The following MGAT4D variants were observed in gnomAD, a reference collection of about 807,000 sequenced individuals.
The protein encoded by MGAT4D is MGAT4 family member D, also known as alpha-1,3-mannosyl-glycoprotein 4-beta-N-acetylglucosaminyltransferase-like protein MGAT4D.
MGAT4D carries 34 observed loss-of-function variants against 15.9 expected under a neutral mutation model. The observed-to-expected ratio is 2.14, with a 90% CI of 1.62 to 2.84. MGAT4D has a LOEUF of 2.84. Among genes scored for constraint, MGAT4D ranks in the 30% most tolerant of loss-of-function variants. MGAT4D has a pLI of 0.00. For missense variants in MGAT4D, 327 were observed against 140.2 expected (o/e 2.33, Z -6.73); for synonymous variants, 112 against 48.2 (o/e 2.33, Z -5.49).
intron 5 of MGAT4D, among the ~76,000 whole-genome samples, chr4:140,468,506 T>C (rs1310638947): frequency 6.6e-6 from 1 of 152,228 alleles, no homozygotes; most frequent in South Asian, 2.1e-4. Context: ...TAATTGATTC[T>C]GTCAGGAGTC....
chr4:140,451,450 C>A lies in MGAT4D; in HGVS notation c.1076G>T (p.Gly359Val). The A allele has an allele frequency of 3.2e-6, 2 of 632,856 alleles. No homozygotes were observed. Among genetic ancestry groups the A allele is most frequent in the South Asian group, 1.9e-5 (1 of 53,764 alleles). The allele number at this position is 632,856 out of a possible 1,614,324, so 39.2% of individuals were successfully genotyped here. ...QYKPSLFQHV[G>V]IHSSFPRKEQ... ...TTTTCTAGGGAATGATGAATGTATA[C>A]CCACATGCTGGAAAAGAGAAGGTTT... The change falls in exon 10 of 11, where the codon GGT becomes GTT. Residue 359 changes from glycine (G) to valine (V), a missense_variant. Coordinates refer to ENST00000511113, the MANE Select transcript of MGAT4D (RefSeq NM_001277353.2).
chr4:140,486,595 G>C (rs921468259), intron 1 of MGAT4D, among the ~76,000 whole-genome samples: 4 of 151,912 alleles, frequency 2.6e-5, no homozygotes, highest in African/African-American at 9.7e-5. Context: ...ATTATGTATT[G>C]ACTGCTTTCA....
chr4:140,464,802 A>C, intron 6 of MGAT4D, 94 bp downstream of exon 6: 1 of 658,176 alleles, frequency 1.5e-6, no homozygotes, highest in East Asian at 2.7e-5. Flanking sequence ...CCAGAACACC[A>C]CTGTGTCTGA....
chr4:140,487,540 T>C (rs920213363), intron 1 of MGAT4D, among the ~76,000 whole-genome samples: 5 of 152,330 alleles, frequency 3.3e-5, no homozygotes, highest in Admixed American at 2.6e-4. Flanking sequence ...TTAAACAATA[T>C]ATTTTATTTA....
intron 6 of MGAT4D, among the ~76,000 whole-genome samples, chr4:140,463,145 G>A (rs949105248): frequency 6.6e-6 from 1 of 152,138 alleles, no homozygotes; most frequent in Admixed American, 6.5e-5. Flanking sequence ...AAATATAAAA[G>A]TAGACGAAGC....
intron 1 of MGAT4D, among the ~76,000 whole-genome samples, chr4:140,497,387 AAG>A (rs1416955734): frequency 6.6e-6 from 1 of 152,256 alleles, no homozygotes; most frequent in Non-Finnish European, 1.5e-5. Flanking sequence ...TAAAATAAAA[AAG>A]ACGTAAATAT....
chr4:140,455,640 G>C (rs1730747308), intron 9 of MGAT4D, among the ~76,000 whole-genome samples: 1 of 152,122 alleles, frequency 6.6e-6, no homozygotes. Flanking sequence ...CAGTTCTGTT[G>C]ATCACTGAGA....
chr4:140,493,167 C>T (rs938770779), intron 1 of MGAT4D, among the ~76,000 whole-genome samples: 5 of 152,086 alleles, frequency 3.3e-5, no homozygotes, highest in Admixed American at 1.3e-4. Flanking sequence ...TAGCTCATCA[C>T]TCAAGCTAAT....
intron 1 of MGAT4D, among the ~76,000 whole-genome samples, chr4:140,493,503 G>T (rs1709398477): frequency 6.6e-6 from 1 of 151,874 alleles, no homozygotes; most frequent in South Asian, 2.1e-4. Context: ...CACTGTGTTA[G>T]CCAGGATGGT....
chr4:140,491,348 C>T (rs911993783), intron 1 of MGAT4D, among the ~76,000 whole-genome samples: 3 of 152,060 alleles, frequency 2.0e-5, no homozygotes, highest in Non-Finnish European at 4.4e-5. Context: ...AGAGAGATCC[C>T]CAAGAAATAA....
intron 8 of MGAT4D, 156 bp downstream of exon 8, chr4:140,459,356 A>G: frequency 3.1e-6 from 1 of 322,518 alleles, no homozygotes; most frequent in Admixed American, 5.0e-5. Flanking sequence ...GAATTTAGGT[A>G]CTTGCATCTG....
intron 10 of MGAT4D, among the ~76,000 whole-genome samples, chr4:140,449,149 CAA>C (rs530950474): frequency 4.2e-4 from 64 of 152,066 alleles, no homozygotes; most frequent in African/African-American, 1.5e-3. Context: ...ATCAATTAAG[CAA>C]AAAACTTTCT....
At chr4:140,468,986 C>T (rs1731734112) in intron 5 of MGAT4D, among the ~76,000 whole-genome samples, 1 of 152,138 alleles carries the variant, frequency 6.6e-6, no homozygotes, top group African/African-American at 2.4e-5. Context: ...CCTGAGTCTC[C>T]AGTTCCCTCC....
At chr4:140,447,754 A>G (rs1730224288) in intron 10 of MGAT4D, among the ~76,000 whole-genome samples, 1 of 152,194 alleles carries the variant, frequency 6.6e-6, no homozygotes, top group Non-Finnish European at 1.5e-5. Context: ...TTGTGTTGTT[A>G]GCTGGTTATT....
intron 5 of MGAT4D, among the ~76,000 whole-genome samples, chr4:140,469,904 C>T (rs1315827351): frequency 6.6e-6 from 1 of 152,244 alleles, no homozygotes; most frequent in Non-Finnish European, 1.5e-5. Flanking sequence ...CACATCGCAC[C>T]CCTCTGCTCT....
At chr4:140,480,322 T>C (rs1053400812) in intron 2 of MGAT4D, among the ~76,000 whole-genome samples, 1 of 152,134 alleles carries the variant, frequency 6.6e-6, no homozygotes, top group African/African-American at 2.4e-5. Context: ...TCATGCTGTT[T>C]ATAAAAATTA....
intron 5 of MGAT4D, among the ~76,000 whole-genome samples, chr4:140,465,837 G>C (rs188625765): frequency 6.6e-6 from 1 of 152,150 alleles, no homozygotes; most frequent in African/African-American, 2.4e-5. Flanking sequence ...TTCAGTTACT[G>C]TGTTTTAGTT....
At chr4:140,480,248 A>G (rs1560791859) in intron 2 of MGAT4D, among the ~76,000 whole-genome samples, 2 of 152,202 alleles carry the variant, frequency 1.3e-5, no homozygotes, top group Non-Finnish European at 2.9e-5. Context: ...CAGAAAAGAC[A>G]GTTGATAAAG....
At chr4:140,469,519 T>A (rs970527153) in intron 5 of MGAT4D, among the ~76,000 whole-genome samples, 1 of 152,114 alleles carries the variant, frequency 6.6e-6, no homozygotes, top group Non-Finnish European at 1.5e-5. Context: ...CCAAATAAGG[T>A]CGCTCATTGT....
Sources: allele counts gnomAD v4.1 joint callset (sites outside exome capture counted in the v4.1 genomes callset), GRCh38; gene constraint gnomAD v4.1.1; transcripts MANE v1.5; gene names NCBI Gene and HGNC (gene_info 2026-07-23, HGNC 2026-07-21).